Variants in SCMH1 observed in about 807,000 individuals in gnomAD.
SCMH1 encodes Scm polycomb group protein homolog 1, also known as polycomb protein SCMH1.
Under a neutral mutation model 70.8 loss-of-function variants are expected in SCMH1, and 37 were observed. That is an observed-to-expected ratio of 0.52 (90% CI 0.40 to 0.69). The LOEUF is 0.69. Among genes scored for constraint, SCMH1 ranks in the 30% least tolerant of loss-of-function variants. The pLI is 0.00. For missense variants in SCMH1, 607 were observed against 827.3 expected, an observed-to-expected ratio of 0.73 and a Z score of 3.27; for synonymous variants, 292 against 307.4, an observed-to-expected ratio of 0.95 and a Z score of 0.52.
intron 1 of SCMH1, among the ~76,000 whole-genome samples, chr1:41,197,415 T>A (rs901862147): frequency 3.9e-5 from 6 of 152,180 alleles, no homozygotes; most frequent in Non-Finnish European, 8.8e-5. Context: ...TTCAAGGCAC[T>A]GTGCTAAGTG....
chr1:41,208,446 AAT>A (rs869047477), intron 1 of SCMH1, among the ~76,000 whole-genome samples: 2,989 of 146,932 alleles, frequency 0.02, 34 homozygotes, highest in Non-Finnish European at 0.027. Flanking sequence ...AAAAAAAAAA[AAT>A]AAAAAATAAA....
intron 12 of SCMH1, among the ~76,000 whole-genome samples, chr1:41,042,121 C>T (rs571647757): frequency 1.3e-5 from 2 of 152,090 alleles, no homozygotes; most frequent in South Asian, 4.1e-4. Flanking sequence ...ACTCCTGGCT[C>T]ATCATGCCTT....
rs920083832 is a variant in SCMH1 at position 41,103,037 on chromosome 1, G to GT, written c.745+10245dup. ...TAACATATATGAATGTTTATGTTTT[G>GT]TTTTTTTTCTATTAAGTCATTATTG... On this transcript the variant is annotated intron_variant, in intron 8 of 14. Transcript: ENST00000337495. Among the ~76,000 whole-genome samples the GT allele has an allele frequency of 2.7e-5, 4 of 150,468 alleles. No homozygotes were observed. In the East Asian group the frequency reaches 5.9e-4, roughly 22 times the overall value.
chr1:41,065,220 C>T (rs1253842229), intron 10 of SCMH1, among the ~76,000 whole-genome samples: 1 of 152,080 alleles, frequency 6.6e-6, no homozygotes, highest in African/African-American at 2.4e-5. Context: ...TGGTGGCTCA[C>T]ACCTGTAATC....
chr1:41,029,916 T>TA (rs1644285563), intron 13 of SCMH1, among the ~76,000 whole-genome samples: 1 of 152,196 alleles, frequency 6.6e-6, no homozygotes, highest in Admixed American at 6.5e-5. Flanking sequence ...AAGGAACCTT[T>TA]AAAAAGCAAT....
At chr1:41,048,581 C>T in intron 11 of SCMH1, 109 bp downstream of exon 11, 1 of 969,050 alleles carries the variant, frequency 1.0e-6, no homozygotes, top group Non-Finnish European at 1.6e-6. Context: ...TCACATTTTT[C>T]CAGAGCCTGC....
intron 2 of SCMH1, among the ~76,000 whole-genome samples, chr1:41,172,168 G>A (rs1283931972): frequency 1.4e-5 from 2 of 140,536 alleles, no homozygotes; most frequent in Non-Finnish European, 3.0e-5. Context: ...CTGGGCGACA[G>A]AGCGAGACTC....
At chr1:41,166,776 T>C (rs1039645348) in intron 2 of SCMH1, among the ~76,000 whole-genome samples, 1 of 152,268 alleles carries the variant, frequency 6.6e-6, no homozygotes, top group East Asian at 1.9e-4. Flanking sequence ...TGTAAGATCA[T>C]GTTGTCAGCA....
chr1:41,032,707 T>G (rs538251315), intron 13 of SCMH1, among the ~76,000 whole-genome samples: 4 of 152,190 alleles, frequency 2.6e-5, no homozygotes, highest in South Asian at 2.1e-4. Context: ...TGGCCAGGCA[T>G]GGTGGATCAT....
chr1:41,044,819 A>G (rs1418818136), intron 12 of SCMH1, among the ~76,000 whole-genome samples: 3 of 152,072 alleles, frequency 2.0e-5, no homozygotes, highest in African/African-American at 7.2e-5. Context: ...AATTCCCAGG[A>G]AAGGTCATGC....
chr1:41,227,120 T>C (rs1660423469), intron 1 of SCMH1, among the ~76,000 whole-genome samples: 1 of 152,184 alleles, frequency 6.6e-6, no homozygotes, highest in Non-Finnish European at 1.5e-5. Context: ...ACAAATGACA[T>C]TTTCCCTTGT....
At chr1:41,095,046 T>C (rs535352548) in intron 8 of SCMH1, among the ~76,000 whole-genome samples, 1 of 152,294 alleles carries the variant, frequency 6.6e-6, no homozygotes, top group South Asian at 2.1e-4. Flanking sequence ...CTGCTTTACC[T>C]GTCTTTATTT....
intron 1 of SCMH1, among the ~76,000 whole-genome samples, chr1:41,228,014 A>C (rs552410509): frequency 6.6e-6 from 1 of 152,244 alleles, no homozygotes; most frequent in African/African-American, 2.4e-5. Context: ...AAACAAAAGG[A>C]GGCAGATTTA....
chr1:41,055,834 T>G (rs1229978162), intron 10 of SCMH1, among the ~76,000 whole-genome samples: 1 of 152,160 alleles, frequency 6.6e-6, no homozygotes. Context: ...AAACCACACC[T>G]AAGAGGCCTC....
At chr1:41,218,398 T>C (rs1658544357) in intron 1 of SCMH1, among the ~76,000 whole-genome samples, 1 of 152,010 alleles carries the variant, frequency 6.6e-6, no homozygotes, top group Non-Finnish European at 1.5e-5. Context: ...TTAAAGACCA[T>C]ATGAAAACAG....
intron 10 of SCMH1, among the ~76,000 whole-genome samples, chr1:41,049,835 G>A (rs1180952062): frequency 1.3e-5 from 2 of 151,302 alleles, no homozygotes; most frequent in African/African-American, 2.4e-5. Flanking sequence ...AGGCTGAGGC[G>A]GAAGGATCAC....
intron 10 of SCMH1, among the ~76,000 whole-genome samples, chr1:41,061,576 G>T (rs1652660268): frequency 6.6e-6 from 1 of 152,146 alleles, no homozygotes; most frequent in East Asian, 1.9e-4. Flanking sequence ...TCAGATATAT[G>T]AGGCAAAAAC....
chr1:41,095,585 T>C lies in SCMH1; in HGVS notation c.745+17698A>G, dbSNP rs150753181. On this transcript the variant is annotated intron_variant, in intron 8 of 14. Coordinates refer to ENST00000337495, the Ensembl canonical transcript of SCMH1. Reference sequence around the variant, plus strand: ...CCTCCTGGGGTCTATGTTTTCTATATAAAAATATGCTGGAAGCAGGAAAAT... The same window carrying C: ...CCTCCTGGGGTCTATGTTTTCTATACAAAAATATGCTGGAAGCAGGAAAAT... 2.9e-4 allele frequency among the ~76,000 whole-genome samples: 44 copies of C among 152,346 alleles called. No homozygotes were observed. The East Asian group carries it at 7.5e-3, about 26-fold the overall frequency.
At chr1:41,240,371 T>A (rs1240453015) in intron 1 of SCMH1, among the ~76,000 whole-genome samples, 1 of 152,232 alleles carries the variant, frequency 6.6e-6, no homozygotes, top group African/African-American at 2.4e-5. Context: ...CCTGCAGAGT[T>A]GCTTAGGCAA....
Sources: gnomAD v4.1 joint callset for allele counts (sites outside exome capture counted in the v4.1 genomes callset) on GRCh38, gnomAD v4.1.1 for gene constraint, MANE v1.5 for transcripts, NCBI Gene and HGNC (gene_info 2026-07-23, HGNC 2026-07-21) for gene names.